INPP5A: variants seen among roughly 807,000 people sequenced by gnomAD.
INPP5A encodes the protein 43 kDa inositol polyphosphate 5-phophatase.
A neutral mutation model predicts 65.2 loss-of-function variants in INPP5A; 14 were observed. The observed-to-expected ratio is 0.21, with a 90% CI of 0.14 to 0.34. INPP5A has a LOEUF of 0.34. Ranked by LOEUF, INPP5A falls within the 10% of genes least tolerant of loss-of-function variation. The pLI is 1.00. For synonymous variants in INPP5A, 207 were observed against 208.3 expected (o/e 0.99, Z 0.05); for missense variants, 431 against 545.6 (o/e 0.79, Z 2.09).
Position 132,538,727 on chromosome 10 carries a change from T to C in INPP5A, c.75+556T>C, listed in dbSNP as rs1158848965. The stretch of plus-strand genomic sequence containing the variant: ...GAACCTGCTCTCAAACGTCTGTCTC[T>C]GGTCCCTGAGCCCTGGACCCCAAAC... On this transcript the variant is annotated intron_variant, in intron 1 of 15. Transcript: ENST00000368594. This position sits in a 1 kb window ranked among gnomAD's most constrained non-coding sequence, Gnocchi z 4.1. Among the ~76,000 whole-genome samples, 1 of 152,122 alleles carries C rather than the reference T, an allele frequency of 6.6e-6. No homozygotes were observed. The highest frequency in any genetic ancestry group is 1.5e-5 in the Non-Finnish European group (1 of 68,020).
At position 132,659,796 on chromosome 10, in the gene INPP5A, C is replaced by G. The variant is rs917295994; in HGVS notation, c.306+9291C>G. Among the ~76,000 whole-genome samples the G allele has an allele frequency of 1.3e-5, 2 of 152,240 alleles. No individual in the cohort carries two copies. Among genetic ancestry groups the G allele is most frequent in the African/African-American group, 4.8e-5 (2 of 41,462 alleles). On this transcript the variant is annotated intron_variant, in intron 4 of 15. Coordinates refer to ENST00000368594, the MANE Select transcript of INPP5A (RefSeq NM_005539.5). The surrounding 1 kb of genome is among the most constrained non-coding windows in gnomAD (Gnocchi z 5.5). ...GTCTGCACGGCTTCATGGCTGCCTGCCCTGGGAGGTGGAGCATGGAGAAGG... is the reference window on the plus strand; with the variant it reads ...GTCTGCACGGCTTCATGGCTGCCTGGCCTGGGAGGTGGAGCATGGAGAAGG...
At chr10:132,708,846 C>T (rs1845585436) in intron 7 of INPP5A, among the ~76,000 whole-genome samples, 1 of 152,220 alleles carries the variant, frequency 6.6e-6, no homozygotes, top group Non-Finnish European at 1.5e-5. Flanking sequence ...AGCGCCGCCC[C>T]ACCTTTTCTG....
chr10:132,758,279 G>A (rs1234247721), intron 11 of INPP5A, among the ~76,000 whole-genome samples: 5 of 120,164 alleles, frequency 4.2e-5, no homozygotes, highest in Non-Finnish European at 7.4e-5. Context: ...GTCCCCGGCC[G>A]ACCCCACAGG....
chr10:132,772,451 C>A (rs1452169703), intron 12 of INPP5A, among the ~76,000 whole-genome samples: 1 of 128,508 alleles, frequency 7.8e-6, no homozygotes, highest in African/African-American at 3.0e-5. Flanking sequence ...ACAGAGGCCA[C>A]GGCAGCCACC....
intron 2 of INPP5A, among the ~76,000 whole-genome samples, chr10:132,632,998 G>A (rs1009566731): frequency 2.0e-5 from 3 of 152,166 alleles, no homozygotes; most frequent in Non-Finnish European, 4.4e-5. Context: ...GAGAGCTTTC[G>A]AGCACACCAC....
chr10:132,670,948 C>T (rs374899609), intron 4 of INPP5A, among the ~76,000 whole-genome samples: 148 of 150,210 alleles, frequency 9.9e-4, no homozygotes, highest in African/African-American at 3.5e-3. Flanking sequence ...GCTTGACGGG[C>T]GTCACTTTTC....
In INPP5A at chr10:132,676,319, C is replaced by T. The variant is rs1392836605; in HGVS notation, c.307-14073C>T. Among the ~76,000 whole-genome samples, 1 of 152,156 alleles carries T rather than the reference C, an allele frequency of 6.6e-6. No homozygotes were observed. The highest frequency in any genetic ancestry group is 1.5e-5 in the Non-Finnish European group (1 of 68,032). ...ACAGCCTCGTTTTTCATGAGACCTG[C>T]GGAAAGGCTCTGGGGCGTCACGTCT... On this transcript the variant is annotated intron_variant, in intron 4 of 15. Transcript: ENST00000368594. The surrounding 1 kb of genome is among the most constrained non-coding windows in gnomAD (Gnocchi z 4.0).
intron 4 of INPP5A, among the ~76,000 whole-genome samples, chr10:132,671,404 C>T (rs564133692): frequency 2.7e-4 from 40 of 150,444 alleles, no homozygotes; most frequent in African/African-American, 8.4e-4. Context: ...CTCTGGACTC[C>T]GCCCTCCCTG....
chr10:132,777,757 C>T lies in INPP5A; in HGVS notation c.1064C>T (p.Pro355Leu), dbSNP rs144872020. Reference protein sequence around the residue: ...PAWCDRILMSPSAKELVLRSE... With the variant: ...PAWCDRILMSLSAKELVLRSE... ...TGGTGTGACCGCATCCTCATGTCCC[C>T]GTCTGCCAAGGAGCTGGTGCTGCGG... The change falls in exon 13 of 16, where the codon CCG (proline) becomes CTG (leucine). Residue 355 changes from proline to leucine, a missense_variant. Physicochemically the swap from Pro to Leu is moderately conservative, Grantham distance 98 (BLOSUM62 -3). Coordinates refer to ENST00000368594, the MANE Select transcript of INPP5A (RefSeq NM_005539.5). 176 of 1,613,130 alleles carry T rather than the reference C, an allele frequency of 1.1e-4. No homozygotes were observed. Among genetic ancestry groups the T allele is most frequent in the Admixed American group, 1.7e-4 (10 of 60,022 alleles).
intron 4 of INPP5A, among the ~76,000 whole-genome samples, chr10:132,681,485 C>T (rs755541258): frequency 6.6e-6 from 1 of 152,214 alleles, no homozygotes; most frequent in South Asian, 2.1e-4. Flanking sequence ...TCAGAAGGAA[C>T]AAACCCCGGA....
intron 11 of INPP5A, among the ~76,000 whole-genome samples, chr10:132,755,104 AGTGT>A (rs779554314): frequency 1.3e-5 from 2 of 150,932 alleles, no homozygotes; most frequent in South Asian, 2.1e-4. Context: ...TGAGCAGGCA[AGTGT>A]GTGAGCTGGC....
At chr10:132,595,365 A>G (rs771086968) in intron 1 of INPP5A, among the ~76,000 whole-genome samples, 1 of 152,256 alleles carries the variant, frequency 6.6e-6, no homozygotes, top group Non-Finnish European at 1.5e-5. Context: ...AGTGTCTTCC[A>G]TGTCTATGTG....
intron 9 of INPP5A, among the ~76,000 whole-genome samples, chr10:132,729,873 C>T (rs1564987855): frequency 6.6e-6 from 1 of 152,200 alleles, no homozygotes; most frequent in Non-Finnish European, 1.5e-5. Flanking sequence ...ATAAACAGTT[C>T]TCCAGAAACT....
intron 8 of INPP5A, among the ~76,000 whole-genome samples, chr10:132,714,451 C>G (rs1845704675): frequency 6.6e-6 from 1 of 152,294 alleles, no homozygotes; most frequent in African/African-American, 2.4e-5. Context: ...CCAACGGGGC[C>G]CCATTCACGG....
intron 2 of INPP5A, among the ~76,000 whole-genome samples, chr10:132,623,206 C>T (rs567149667): frequency 2.0e-5 from 3 of 152,182 alleles, no homozygotes; most frequent in African/African-American, 7.2e-5. Context: ...AAAGTAAAAA[C>T]ATACTAATGT....
intron 2 of INPP5A, among the ~76,000 whole-genome samples, chr10:132,645,081 C>A (rs2072475675): frequency 6.6e-6 from 1 of 152,246 alleles, no homozygotes; most frequent in African/African-American, 2.4e-5. Flanking sequence ...GCCGCACTGA[C>A]AAGGATATTT....
chr10:132,764,533 C>T (rs531309647), intron 11 of INPP5A, among the ~76,000 whole-genome samples: 356 of 102,816 alleles, frequency 3.5e-3, no homozygotes, highest in Non-Finnish European at 4.6e-3. Flanking sequence ...CACGGTCGGG[C>T]CAGTCCTGCA....
At chr10:132,566,401 A>T (rs1411395047) in intron 1 of INPP5A, among the ~76,000 whole-genome samples, 1 of 152,172 alleles carries the variant, frequency 6.6e-6, no homozygotes, top group Non-Finnish European at 1.5e-5. Flanking sequence ...AAATGCAGGG[A>T]TACGGAGGCC....
intron 11 of INPP5A, among the ~76,000 whole-genome samples, chr10:132,752,672 G>A (rs1265653385): frequency 8.0e-6 from 1 of 124,696 alleles, no homozygotes; most frequent in Non-Finnish European, 1.7e-5. Flanking sequence ...GGGGCACGGG[G>A]CGTGGAGGGG....
Sources: allele counts gnomAD v4.1 joint callset (sites outside exome capture counted in the v4.1 genomes callset), GRCh38; gene constraint gnomAD v4.1.1; non-coding constraint Gnocchi (gnomAD v3.1); transcripts MANE v1.5; gene names NCBI Gene and HGNC (gene_info 2026-07-23, HGNC 2026-07-21).